MAP3K3: variants seen among roughly 807,000 people sequenced by gnomAD.
MAP3K3 encodes MAP/ERK kinase kinase 3.
MAP3K3 carries 12 observed loss-of-function variants against 80.9 expected under a neutral mutation model. The observed-to-expected ratio is 0.15, with a 90% CI of 0.10 to 0.24. The LOEUF is 0.24. MAP3K3 is among the 10% of genes least tolerant of loss of function. The pLI, the probability that MAP3K3 is intolerant of heterozygous loss-of-function variation, is 1.00. For synonymous variants in MAP3K3, 272 were observed against 307.1 expected, an observed-to-expected ratio of 0.89 and a Z score of 1.19; for missense variants, 596 against 834.7, an observed-to-expected ratio of 0.71 and a Z score of 3.52.
intron 2 of MAP3K3, among the ~76,000 whole-genome samples, chr17:63,635,986 A>G (rs2034315598): frequency 6.6e-6 from 1 of 152,206 alleles, no homozygotes; most frequent in Admixed American, 6.5e-5. Flanking sequence ...TGGGGCTGGC[A>G]GAGGCAAACA....
intron 6 of MAP3K3, among the ~76,000 whole-genome samples, chr17:63,679,023 C>T (rs1876170516): frequency 6.6e-6 from 1 of 151,586 alleles, no homozygotes. Context: ...AGCAAGACTC[C>T]GTCTCAAAAA....
chr17:63,628,548 C>T (rs1379131964), intron 1 of MAP3K3, among the ~76,000 whole-genome samples: 4 of 151,640 alleles, frequency 2.6e-5, no homozygotes, highest in South Asian at 4.2e-4. Context: ...TTAGTAGAGA[C>T]GGGGTTTCTC....
intron 2 of MAP3K3, 33 bp from the exon 3 acceptor site, chr17:63,646,001 A>C (rs2034533618): frequency 2.5e-6 from 4 of 1,602,130 alleles, no homozygotes; most frequent in Admixed American, 1.7e-5. Flanking sequence ...ATTCCAGAGA[A>C]TTCTCTAACC....
At chr17:63,650,037 C>A (rs2034618788) in intron 3 of MAP3K3, among the ~76,000 whole-genome samples, 1 of 152,198 alleles carries the variant, frequency 6.6e-6, no homozygotes, top group Admixed American at 6.5e-5. Context: ...AGGCCCATGG[C>A]TGAATACTGC....
chr17:63,679,016 A>G lies in MAP3K3; in HGVS notation c.503-2750A>G, dbSNP rs532320211. Among the ~76,000 whole-genome samples, 329 of 152,294 alleles carry G rather than the reference A, an allele frequency of 2.2e-3. 2 individuals are homozygous for G. Among genetic ancestry groups the G allele is most frequent in the Non-Finnish European group, 2.4e-3 (161 of 68,022 alleles). On this transcript the variant is annotated intron_variant, in intron 6 of 15. Coordinates refer to ENST00000361733, the MANE Select transcript of MAP3K3 (RefSeq NM_002401.5). ...TGCACTCCAGCCTGGGCAACAGAGC[A>G]AGACTCCGTCTCAAAAAAAAGAGTC...
chr17:63,658,299 C>T (rs2034813472), intron 5 of MAP3K3, among the ~76,000 whole-genome samples: 1 of 152,148 alleles, frequency 6.6e-6, no homozygotes, highest in African/African-American at 2.4e-5. Context: ...CTTTATAAAC[C>T]CAACTCCCAC....
chr17:63,654,550 A>G (rs1253769576), intron 4 of MAP3K3, among the ~76,000 whole-genome samples: 1 of 152,154 alleles, frequency 6.6e-6, no homozygotes, highest in African/African-American at 2.4e-5. Context: ...TTAAATGAAC[A>G]TATGTTTTCA....
intron 4 of MAP3K3, among the ~76,000 whole-genome samples, chr17:63,655,138 A>T (rs1269814458): frequency 6.6e-6 from 1 of 152,210 alleles, no homozygotes; most frequent in Non-Finnish European, 1.5e-5. Context: ...AAACTTAACA[A>T]TCATGATGGA....
In MAP3K3 at chr17:63,662,174, G is replaced by A. The variant is rs540038613; in HGVS notation, c.381+4267G>A. On this transcript the variant is annotated intron_variant, in intron 5 of 15. Coordinates refer to ENST00000361733, the MANE Select transcript of MAP3K3 (RefSeq NM_002401.5). The stretch of plus-strand genomic sequence containing the variant: ...TAATCTCAGCACTTTGGGAGGCTGA[G>A]GCAGGCAGATTACTTGAGCCTAGGA... 3.3e-5 allele frequency among the ~76,000 whole-genome samples: 5 copies of A among 151,524 alleles called. No homozygotes were observed. The South Asian group carries it at 1.0e-3, about 32-fold the overall frequency.
chr17:63,637,041 TTC>T, intron 2 of MAP3K3: 1 of 535,608 alleles, frequency 1.9e-6, no homozygotes, highest in Non-Finnish European at 3.5e-6. Flanking sequence ...GGGACAAACT[TTC>T]TGGAAGAGGA....
At chr17:63,623,522 A>G (rs1005272739) in intron 1 of MAP3K3, among the ~76,000 whole-genome samples, 3 of 152,352 alleles carry the variant, frequency 2.0e-5, no homozygotes, top group East Asian at 3.9e-4. Flanking sequence ...TTGCTACACA[A>G]AAGAATTTCT....
In MAP3K3 at chr17:63,692,568, GTAGC is replaced by G; in HGVS notation, c.1652+150_1652+153del. ...GTGTGCAAGGGTATTATTGGGTGCAGTAGCACACACACCACATGGGTGGTGCTCA... is the reference window on the plus strand; with the variant it reads ...GTGTGCAAGGGTATTATTGGGTGCAGACACACACCACATGGGTGGTGCTCA... On this transcript the variant is annotated intron_variant, in intron 15 of 15. Coordinates refer to ENST00000361733, the MANE Select transcript of MAP3K3 (RefSeq NM_002401.5). This position sits in a 1 kb window ranked among gnomAD's most constrained non-coding sequence, Gnocchi z 4.5. 2 of 774,318 alleles carry G rather than the reference GTAGC, an allele frequency of 2.6e-6. No homozygotes were observed. The allele number at this position is 774,318 out of a possible 1,614,324, so 48.0% of individuals were successfully genotyped here.
intron 2 of MAP3K3, 77 bp downstream of exon 2, chr17:63,632,879 GGA>G: frequency 6.3e-7 from 1 of 1,582,054 alleles, no homozygotes; most frequent in East Asian, 2.2e-5. Flanking sequence ...GAAAAGCCAA[GGA>G]GACTACATTA....
chr17:63,659,922 G>A (rs2034853519), intron 5 of MAP3K3, among the ~76,000 whole-genome samples: 1 of 152,078 alleles, frequency 6.6e-6, no homozygotes, highest in African/African-American at 2.4e-5. Context: ...TTCATTAGTA[G>A]ATTCAATAAA....
chr17:63,687,350 C>CAAA (rs377122391), intron 8 of MAP3K3, among the ~76,000 whole-genome samples: 230 of 133,134 alleles, frequency 1.7e-3, no homozygotes, highest in Non-Finnish European at 3.0e-3. Flanking sequence ...CTAAAAAATA[C>CAAA]AAAAAAAAAA....
intron 7 of MAP3K3, 124 bp from the exon 8 acceptor site, chr17:63,685,393 G>A (rs1174941889): frequency 3.9e-6 from 3 of 763,146 alleles, no homozygotes; most frequent in Non-Finnish European, 7.1e-6. Flanking sequence ...CATTGCATGG[G>A]GAGAAAAAGG....
At chr17:63,626,377 T>C (rs1157499431) in intron 1 of MAP3K3, among the ~76,000 whole-genome samples, 1 of 152,218 alleles carries the variant, frequency 6.6e-6, no homozygotes, top group African/African-American at 2.4e-5. Context: ...AGAGATCAAT[T>C]CTGTCGTTTT....
At position 63,622,763 on chromosome 17, in the gene MAP3K3, G is replaced by A. The variant is rs2034013720; in HGVS notation, c.4G>A (p.Asp2Asn). 1 of 530,262 alleles carries A rather than the reference G, an allele frequency of 1.9e-6. No individual in the cohort carries two copies. Among genetic ancestry groups the A allele is most frequent in the Non-Finnish European group, 3.6e-6 (1 of 275,664 alleles). The allele number at this position is 530,262 out of a possible 1,614,324, so 32.8% of individuals were successfully genotyped here. Residue 2 changes from aspartate to asparagine, a missense_variant and splice_region_variant, in exon 1 of 16, where the codon GAC (aspartate) becomes AAC (asparagine). Transcript: ENST00000361733. ...CACCGCCGCCGCCATCGCCACCATG[G>A]GTAAGTGTCGCCACCGCCCCGGCCT... is the stretch of plus-strand genomic sequence containing the variant. M[D>N]EQEALNSIMN...
rs2035584064 is a variant in MAP3K3 at position 63,691,246 on chromosome 17, TGAA to T, written c.1344+14_1344+16del. 2 of 1,613,876 alleles carry T rather than the reference TGAA, an allele frequency of 1.2e-6. No individual in the cohort carries two copies. The highest frequency in any genetic ancestry group is 1.7e-6 in the Non-Finnish European group (2 of 1,179,982). On this transcript the variant is annotated intron_variant, in intron 13 of 15. Transcript: ENST00000361733. The surrounding 1 kb of genome is among the most constrained non-coding windows in gnomAD (Gnocchi z 4.8). ...GTACATGCCAGGGGTACGTGCCCCT[TGAA>T]TGCATGTGAGACACACACAAAAGAG...
Sources: gnomAD v4.1 joint callset for allele counts (sites outside exome capture counted in the v4.1 genomes callset) on GRCh38, gnomAD v4.1.1 for gene constraint, Gnocchi (gnomAD v3.1) non-coding constraint, MANE v1.5 for transcripts, NCBI Gene and HGNC (gene_info 2026-07-23, HGNC 2026-07-21) for gene names.